MLC1: variants seen among roughly 807,000 people sequenced by gnomAD.
MLC1 encodes membrane protein MLC1.
In MLC1, 32 loss-of-function variants were observed where a neutral mutation model predicts 44.7. The ratio of observed to expected loss-of-function variants is 0.72; its 90% CI spans 0.54 to 0.96. MLC1 has a LOEUF of 0.96. Among genes scored for constraint, MLC1 ranks in the 40% least tolerant of loss-of-function variants. The pLI is 0.00. For synonymous variants in MLC1, 190 were observed against 213.0 expected (o/e 0.89, Z 0.94); for missense variants, 459 against 492.2 (o/e 0.93, Z 0.64).
intron 3 of MLC1, among the ~76,000 whole-genome samples, chr22:50,081,114 C>A (rs1232279060): frequency 2.0e-5 from 3 of 151,108 alleles, no homozygotes; most frequent in African/African-American, 7.3e-5. Context: ...GAGGCTGAGG[C>A]GGGTGGATCA....
At position 50,068,571 on chromosome 22, in the gene MLC1, G is replaced by A. The variant is rs368116122; in HGVS notation, c.772-16C>T. The A allele has an allele frequency of 1.9e-5, 31 of 1,612,500 alleles. No individual in the cohort carries two copies. Among genetic ancestry groups the A allele is most frequent in the African/African-American group, 1.5e-4 (11 of 74,880 alleles). ...GGACCTCCACCTGGAAAAAAAGCGCGGGTTGCAGGACCACGGCCGGAGCCT... is the reference window on the plus strand; with the variant it reads ...GGACCTCCACCTGGAAAAAAAGCGCAGGTTGCAGGACCACGGCCGGAGCCT... On this transcript the variant is annotated splice_polypyrimidine_tract_variant and intron_variant, in intron 9 of 11. Coordinates refer to ENST00000311597, the MANE Select transcript of MLC1 (RefSeq NM_015166.4).
At chr22:50,077,065 A>T (rs910665777) in intron 6 of MLC1, among the ~76,000 whole-genome samples, 153 bp from the exon 7 acceptor site, 3 of 152,192 alleles carry the variant, frequency 2.0e-5, no homozygotes, top group African/African-American at 7.2e-5. Flanking sequence ...GGGCTTGAGG[A>T]AATGTTCACA....
chr22:50,067,285 T>C (rs1030328198), intron 10 of MLC1, among the ~76,000 whole-genome samples: 9 of 149,260 alleles, frequency 6.0e-5, no homozygotes, highest in Non-Finnish European at 8.9e-5. Context: ...AGTGACTCCA[T>C]GCCCCCATCA....
At chr22:50,085,105 G>C (rs1368005821) in intron 1 of MLC1, 144 bp from the exon 2 acceptor site, 1 of 1,437,286 alleles carries the variant, frequency 7.0e-7, no homozygotes, top group Non-Finnish European at 9.1e-7. Flanking sequence ...GAATCTAAAA[G>C]TGAAAAAGAA....
rs138094311 is a variant in MLC1, at chr22:50,084,802, G to A, written c.101C>T (p.Pro34Leu). 1.1e-4 allele frequency: 184 copies of A among 1,613,910 alleles called. No individual in the cohort carries two copies. The highest frequency in any genetic ancestry group is 2.2e-4 in the Admixed American group (13 of 60,008). The part of the protein sequence containing the change: ...DPASYAPDAK[P>L]SDLQLSKRLP... ...TCTCTTCGACAGCTGCAGGTCGCTC[G>A]GCTTCGCGTCTGGGGCATAGCTGGC... Residue 34 changes from proline (P) to leucine (L), a missense_variant, in exon 2 of 12, where the codon CCG becomes CTG. Physicochemically the swap from Pro to Leu is moderately conservative, Grantham distance 98. Coordinates refer to ENST00000311597, the MANE Select transcript of MLC1 (RefSeq NM_015166.4).
rs1394126053 is a variant in MLC1 at position 50,060,000 on chromosome 22, G to T, written c.*1583C>A. 1 of 152,364 alleles carries T rather than the reference G, an allele frequency of 6.6e-6. No homozygotes were observed. The highest frequency in any genetic ancestry group is 1.5e-5 in the Non-Finnish European group (1 of 68,140). 9.4% of individuals were successfully genotyped at this position (152,364 alleles called of 1,614,324 possible). ...GAGGGTCCTCAAACCCCCTGGCAGG[G>T]TCTGCAGGCCGCCCCATCCAGCTGC... On this transcript the variant is annotated 3_prime_UTR_variant, in exon 12 of 12. Coordinates refer to ENST00000311597, the MANE Select transcript of MLC1 (RefSeq NM_015166.4).
At position 50,061,237 on chromosome 22, in the gene MLC1, G is replaced by C. The variant is rs1341787363; in HGVS notation, c.*346C>G. On this transcript the variant is annotated 3_prime_UTR_variant, in exon 12 of 12. Transcript: ENST00000311597. Reference sequence around the variant, plus strand: ...GTCCAGAGAGCCCACTCCAGCCCAAGCCATGAGAGAGGCAGGAAGAGGAGC... The same window carrying C: ...GTCCAGAGAGCCCACTCCAGCCCAACCCATGAGAGAGGCAGGAAGAGGAGC... 2.5e-6 allele frequency: 1 copy of C among 399,658 alleles called. No homozygotes were observed. Among genetic ancestry groups the C allele is most frequent in the East Asian group, 5.8e-5 (1 of 17,374 alleles). 24.8% of individuals were successfully genotyped at this position (399,658 alleles called of 1,614,324 possible).
Position 50,068,557 on chromosome 22 carries a change from TG to T in MLC1, c.772-3del, listed in dbSNP as rs765246356. The T allele has an allele frequency of 4.1e-5, 65 of 1,592,886 alleles. No individual in the cohort carries two copies. The highest frequency in any genetic ancestry group is 5.3e-5 in the Non-Finnish European group (62 of 1,169,322). ...GCTTATGGCAATCAGGACCTCCACC[TG>T]GAAAAAAAGCGCGGGTTGCAGGACC... On this transcript the variant is annotated splice_region_variant and splice_polypyrimidine_tract_variant and intron_variant, in intron 9 of 11. Coordinates refer to ENST00000311597, the MANE Select transcript of MLC1 (RefSeq NM_015166.4).
At position 50,077,442 on chromosome 22, in the gene MLC1, T is replaced by C. The variant is rs574844096; in HGVS notation, c.484A>G (p.Ile162Val). Reference sequence around the variant, plus strand: ...TCCTCCTCGCTGGACCGTGCAGCGATGATCACCGTGGCCGCCATGAGCAGC... The same window carrying C: ...TCCTCCTCGCTGGACCGTGCAGCGACGATCACCGTGGCCGCCATGAGCAGC... ...LELLMAATVIIAARSSEEDCK... is the reference protein window; with the variant it reads ...LELLMAATVIVAARSSEEDCK... The change falls in exon 6 of 12, where the codon ATC becomes GTC. Residue 162 changes from isoleucine to valine, a missense_variant. Ile to Val is a conservative substitution (Grantham distance 29). Coordinates refer to ENST00000311597, the MANE Select transcript of MLC1 (RefSeq NM_015166.4). 1 of 1,613,900 alleles carries C rather than the reference T, an allele frequency of 6.2e-7. No individual in the cohort carries two copies. The highest frequency in any genetic ancestry group is 1.1e-5 in the South Asian group (1 of 91,074).
Position 50,080,357 on chromosome 22 carries a change from C to T in MLC1, c.308G>A (p.Arg103Lys). The change falls in exon 4 of 12, where the codon AGG (arginine) becomes AAG (lysine). Residue 103 changes from arginine to lysine, a missense_variant. By Grantham distance (26) the Arg-to-Lys change is conservative. Coordinates refer to ENST00000311597, the MANE Select transcript of MLC1 (RefSeq NM_015166.4). ...AGCTAGACTCACCACATTGGCGTTC[C>T]TCCTGGAGACGGTGAAGCTCACAAT... ...SAIVSFTVSR[R>K]NANVIPNFQI... The T allele has an allele frequency of 1.2e-6, 2 of 1,608,172 alleles. No individual in the cohort carries two copies. Among genetic ancestry groups the T allele is most frequent in the Non-Finnish European group, 1.7e-6 (2 of 1,177,298 alleles).
In MLC1 at chr22:50,083,676, C is replaced by T. The variant is rs2062206126; in HGVS notation, c.178-503G>A. 6.6e-6 allele frequency among the ~76,000 whole-genome samples: 1 copy of T among 152,184 alleles called. No homozygotes were observed. Among genetic ancestry groups the T allele is most frequent in the South Asian group, 2.1e-4 (1 of 4,832 alleles). On this transcript the variant is annotated intron_variant, in intron 2 of 11. Transcript: ENST00000311597. This position sits in a 1 kb window ranked among gnomAD's most constrained non-coding sequence, Gnocchi z 4.6. Reference sequence around the variant, plus strand: ...GAGCAGGGAAGACCCTAGCAGGAGGCAGGGAGGGTGCTCTCTCTCACGCAC... The same window carrying T: ...GAGCAGGGAAGACCCTAGCAGGAGGTAGGGAGGGTGCTCTCTCTCACGCAC...
chr22:50,063,747 C>CTG (rs2061627490), intron 11 of MLC1, among the ~76,000 whole-genome samples: 1 of 138,104 alleles, frequency 7.2e-6, no homozygotes, highest in Non-Finnish European at 1.6e-5. Flanking sequence ...CCCAGTGCCC[C>CTG]CACCCCACAG....
At chr22:50,085,043 A>T in intron 1 of MLC1, 82 bp from the exon 2 acceptor site, 3 of 1,504,156 alleles carry the variant, frequency 2.0e-6, no homozygotes, top group Non-Finnish European at 2.7e-6. Flanking sequence ...TTAACAAAAG[A>T]AATATTGTTC....
chr22:50,068,304 C>A (rs991632303), intron 10 of MLC1, 129 bp downstream of exon 10: 1 of 1,357,290 alleles, frequency 7.4e-7, no homozygotes, highest in African/African-American at 1.4e-5. Flanking sequence ...CCAGGAACAG[C>A]GGAGGAGGTG....
chr22:50,080,739 T>C (rs2062101566), intron 3 of MLC1, among the ~76,000 whole-genome samples: 1 of 152,204 alleles, frequency 6.6e-6, no homozygotes. Flanking sequence ...AAGAAGTTTT[T>C]ATTTTTCTGA....
chr22:50,085,361 C>T lies in MLC1; in HGVS notation c.-66G>A, dbSNP rs371105997. 2 of 270,118 alleles carry T rather than the reference C, an allele frequency of 7.4e-6. No individual in the cohort carries two copies. The highest frequency in any genetic ancestry group is 1.1e-4 in the East Asian group (1 of 9,336). 16.7% of individuals were successfully genotyped at this position (270,118 alleles called of 1,614,324 possible). On this transcript the variant is annotated 5_prime_UTR_variant, in exon 1 of 12. Coordinates refer to ENST00000311597, the MANE Select transcript of MLC1 (RefSeq NM_015166.4). ...TTAATGTCTGAGCACTTACCTCCCC[C>T]GCTGCTCTGCCGTTGGGAGCACTGG...
chr22:50,070,260 T>C (rs1010043783), intron 9 of MLC1, among the ~76,000 whole-genome samples: 1 of 152,134 alleles, frequency 6.6e-6, no homozygotes, highest in East Asian at 1.9e-4. Flanking sequence ...GCTCAGACAC[T>C]GGTCTCCTTC....
intron 6 of MLC1, 36 bp downstream of exon 6, chr22:50,077,365 C>T (rs1405129775): frequency 1.5e-5 from 24 of 1,586,878 alleles, no homozygotes; most frequent in Non-Finnish European, 2.0e-5. Context: ...GATGCCTCTG[C>T]ACCCCCTGCC....
Position 50,077,418 on chromosome 22 carries a change from C to G in MLC1, c.508G>C (p.Asp170His). Residue 170 changes from aspartate to histidine, a missense_variant, in exon 6 of 12, where the codon GAC becomes CAC. Coordinates refer to ENST00000311597, the MANE Select transcript of MLC1 (RefSeq NM_015166.4). The part of the protein sequence containing the change: ...VIIAARSSEE[D>H]CKKKKGSMSD... Reference sequence around the variant, plus strand: ...GCACCCACCTTCTTTTTCTTGCAGTCCTCCTCGCTGGACCGTGCAGCGATG... The same window carrying G: ...GCACCCACCTTCTTTTTCTTGCAGTGCTCCTCGCTGGACCGTGCAGCGATG... The G allele has an allele frequency of 6.2e-7, 1 of 1,613,942 alleles. No homozygotes were observed. The highest frequency in any genetic ancestry group is 8.5e-7 in the Non-Finnish European group (1 of 1,180,016).
Sources: gnomAD v4.1 joint callset for allele counts (sites outside exome capture counted in the v4.1 genomes callset) on GRCh38, gnomAD v4.1.1 for gene constraint, Gnocchi (gnomAD v3.1) non-coding constraint, MANE v1.5 for transcripts, NCBI Gene and HGNC (gene_info 2026-07-23, HGNC 2026-07-21) for gene names.